KIAA1328: variants seen among roughly 807,000 people sequenced by gnomAD.
KIAA1328 encodes the protein KIAA1328, also known as protein hinderin.
Under a neutral mutation model 68.1 loss-of-function variants are expected in KIAA1328, and 52 were observed. That is an observed-to-expected ratio of 0.76 (90% CI 0.61 to 0.96). The LOEUF is 0.96. Ranked by LOEUF, KIAA1328 falls within the 40% of genes least tolerant of loss-of-function variation. The pLI is 0.00. For missense variants in KIAA1328, 641 were observed against 677.6 expected (o/e 0.95, Z 0.60); for synonymous variants, 232 against 239.4 (o/e 0.97, Z 0.28).
In KIAA1328 at chr18:36,885,567, G is replaced by A; in HGVS notation, c.343G>A (p.Glu115Lys). The change falls in exon 5 of 10, where the codon GAA (glutamate) becomes AAA (lysine). Residue 115 changes from glutamate (E) to lysine (K), a missense_variant. Glu to Lys is a moderately conservative substitution (Grantham distance 56). Transcript: ENST00000280020. ...LIKELARVSE[E>K]KEVTEERLKA... ...TTTTTTTTATTTCAGAGTAAGTGAG[G>A]AAAAGGAAGTGACAGAGGAAAGACT... The A allele has an allele frequency of 6.5e-7, 1 of 1,550,146 alleles. No homozygotes were observed. Among genetic ancestry groups the A allele is most frequent in the Non-Finnish European group, 8.7e-7 (1 of 1,154,062 alleles).
intron 5 of KIAA1328, among the ~76,000 whole-genome samples, chr18:36,915,627 T>G (rs1340562292): frequency 6.6e-6 from 1 of 152,192 alleles, no homozygotes; most frequent in East Asian, 1.9e-4. Flanking sequence ...TGAGATAGTA[T>G]TATCTTACAC....
chr18:37,117,687 A>G (rs936380558), intron 7 of KIAA1328, among the ~76,000 whole-genome samples: 7 of 152,102 alleles, frequency 4.6e-5, no homozygotes, highest in African/African-American at 1.4e-4. Flanking sequence ...AAGATGATAC[A>G]ACTATCCTGT....
chr18:37,134,476 CAAA>C (rs886889116), intron 7 of KIAA1328, among the ~76,000 whole-genome samples: 1 of 151,604 alleles, frequency 6.6e-6, no homozygotes, highest in Non-Finnish European at 1.5e-5. Flanking sequence ...ATATTTCCTA[CAAA>C]AAAAACTTAG....
chr18:36,934,314 T>TTTA (rs1332018158), intron 5 of KIAA1328, among the ~76,000 whole-genome samples: 23 of 152,206 alleles, frequency 1.5e-4, no homozygotes, highest in Non-Finnish European at 3.4e-4. Context: ...TTTATTTTAT[T>TTTA]TTATTATTAT....
rs114546341 is a variant in KIAA1328, at chr18:36,939,231, T to A, written c.449-20077T>A. On this transcript the variant is annotated intron_variant, in intron 5 of 9. Transcript: ENST00000280020. The stretch of plus-strand genomic sequence containing the variant: ...TTAATTCTAATCCATGAACATGGGA[T>A]ACCTTTCCACTTATTTGTGTCATCG... 2.6e-3 allele frequency among the ~76,000 whole-genome samples: 403 copies of A among 152,354 alleles called. 3 individuals carry two copies. The highest frequency in any genetic ancestry group is 9.4e-3 in the African/African-American group (390 of 41,580).
intron 4 of KIAA1328, among the ~76,000 whole-genome samples, chr18:36,878,833 C>T (rs1024660373): frequency 6.6e-6 from 1 of 152,140 alleles, no homozygotes; most frequent in Non-Finnish European, 1.5e-5. Flanking sequence ...GTATGCTTCA[C>T]GAAGTTCTCA....
intron 9 of KIAA1328, among the ~76,000 whole-genome samples, chr18:37,185,824 G>C (rs2059786952): frequency 6.6e-6 from 1 of 151,570 alleles, no homozygotes; most frequent in South Asian, 2.1e-4. Context: ...AAAAAAGACT[G>C]TCTGTTTTTC....
At chr18:37,044,226 T>C (rs1192511318) in intron 6 of KIAA1328, among the ~76,000 whole-genome samples, 2 of 152,158 alleles carry the variant, frequency 1.3e-5, no homozygotes, top group Admixed American at 6.5e-5. Context: ...AGACTATTGA[T>C]TCAAAGTGTT....
At chr18:36,919,607 G>A (rs576484899) in intron 5 of KIAA1328, among the ~76,000 whole-genome samples, 4 of 152,204 alleles carry the variant, frequency 2.6e-5, no homozygotes, top group South Asian at 2.1e-4. Flanking sequence ...TTGCTGGGTC[G>A]AGTGGTAGTT....
At chr18:36,853,360 ATTTC>A (rs1402658507) in intron 4 of KIAA1328, among the ~76,000 whole-genome samples, 1 of 152,196 alleles carries the variant, frequency 6.6e-6, no homozygotes, top group East Asian at 1.9e-4. Flanking sequence ...ATGAAAAGAC[ATTTC>A]TTTATTTGTT....
intron 7 of KIAA1328, among the ~76,000 whole-genome samples, chr18:37,091,189 G>A (rs145676559): frequency 6.6e-6 from 1 of 152,202 alleles, no homozygotes; most frequent in East Asian, 1.9e-4. Context: ...CCTCTACAAA[G>A]AAGGATCAAA....
At chr18:36,922,163 A>T (rs1477034968) in intron 5 of KIAA1328, among the ~76,000 whole-genome samples, 2 of 152,136 alleles carry the variant, frequency 1.3e-5, no homozygotes, top group African/African-American at 4.8e-5. Context: ...GCAGGATAGG[A>T]ATAGCATTTA....
chr18:36,968,561 G>A (rs200523593), intron 6 of KIAA1328, among the ~76,000 whole-genome samples: 1 of 152,168 alleles, frequency 6.6e-6, no homozygotes, highest in African/African-American at 2.4e-5. Context: ...TAATGGCAAA[G>A]GTTTTAATTC....
In KIAA1328 at chr18:36,931,464, C is replaced by A. The variant is rs551291603; in HGVS notation, c.449-27844C>A. Among the ~76,000 whole-genome samples, 5 of 152,058 alleles carry A rather than the reference C, an allele frequency of 3.3e-5. No homozygotes were observed. The East Asian group carries it at 9.7e-4, about 29-fold the overall frequency. On this transcript the variant is annotated intron_variant, in intron 5 of 9. Transcript: ENST00000280020. ...TGATCTGAGGTGGAACAATTTCATC[C>A]CCAAACTGTTCCCCCGACCATACCA...
intron 4 of KIAA1328, among the ~76,000 whole-genome samples, chr18:36,852,259 C>G (rs1245901977): frequency 6.6e-6 from 1 of 152,048 alleles, no homozygotes; most frequent in East Asian, 1.9e-4. Context: ...TTAGCTGTTA[C>G]TTGGTTGAGT....
chr18:37,101,096 A>G (rs1032328158), intron 7 of KIAA1328, among the ~76,000 whole-genome samples: 1 of 152,216 alleles, frequency 6.6e-6, no homozygotes, highest in African/African-American at 2.4e-5. Context: ...ACGAAACTCT[A>G]AATATCAGAG....
At chr18:36,829,601 C>T (rs1226402118) in intron 1 of KIAA1328, among the ~76,000 whole-genome samples, 1 of 152,154 alleles carries the variant, frequency 6.6e-6, no homozygotes, top group Non-Finnish European at 1.5e-5. Context: ...GACAGGGAGC[C>T]TTTTTGTTTT....
intron 9 of KIAA1328, among the ~76,000 whole-genome samples, chr18:37,216,648 G>C (rs1020386072): frequency 1.3e-5 from 2 of 152,084 alleles, no homozygotes; most frequent in African/African-American, 4.8e-5. Context: ...TGTTAGGTCC[G>C]CTTGGTGCAT....
chr18:37,130,444 C>T (rs965325274), intron 7 of KIAA1328, among the ~76,000 whole-genome samples: 1 of 151,988 alleles, frequency 6.6e-6, no homozygotes, highest in Admixed American at 6.6e-5. Context: ...ATGGTGAAAC[C>T]CTGTCTCTAC....
Sources: allele counts gnomAD v4.1 joint callset (sites outside exome capture counted in the v4.1 genomes callset), GRCh38; gene constraint gnomAD v4.1.1; transcripts MANE v1.5; gene names NCBI Gene and HGNC (gene_info 2026-07-23, HGNC 2026-07-21).